Variants in FBXO31 observed in about 807,000 individuals in gnomAD.
FBXO31 encodes the protein F-box only protein 31.
A neutral mutation model predicts 54.4 loss-of-function variants in FBXO31; 24 were observed. The ratio of observed to expected loss-of-function variants is 0.44; its 90% CI spans 0.32 to 0.62. The LOEUF is 0.62. FBXO31 is among the 20% of genes least tolerant of loss of function. The probability of loss-of-function intolerance (pLI) is 0.05; values close to 1 mark genes in which losing one functional copy is unlikely to be tolerated. For missense variants in FBXO31, 665 were observed against 787.1 expected (o/e 0.84, Z 1.86); for synonymous variants, 388 against 335.6 (o/e 1.16, Z -1.71).
upstream of FBXO31, among the ~76,000 whole-genome samples, chr16:87,391,360 G>A (rs1332220995): frequency 6.6e-6 from 1 of 152,234 alleles, no homozygotes; most frequent in Admixed American, 6.5e-5. Flanking sequence ...TTGGCCACAG[G>A]CTGAGGTGGG....
At chr16:87,356,586 G>GA (rs778307723) in intron 2 of FBXO31, among the ~76,000 whole-genome samples, 5 of 152,196 alleles carry the variant, frequency 3.3e-5, no homozygotes, top group Non-Finnish European at 7.3e-5. Flanking sequence ...ACACCACCCT[G>GA]AAGCGTGCTA....
At chr16:87,375,942 A>T (rs903044219) in intron 1 of FBXO31, among the ~76,000 whole-genome samples, 4 of 152,144 alleles carry the variant, frequency 2.6e-5, no homozygotes, top group Admixed American at 6.5e-5. Context: ...CCACTTCCCC[A>T]CATGCAGGGG....
intron 1 of FBXO31, among the ~76,000 whole-genome samples, chr16:87,379,119 C>CTTTTGTTTTG (rs922997396): frequency 5.9e-5 from 9 of 151,990 alleles, no homozygotes; most frequent in Non-Finnish European, 1.3e-4. Flanking sequence ...ATCACATACC[C>CTTTTGTTTTG]TTTTGTTTTG....
At chr16:87,380,008 A>C (rs1267494081) in intron 1 of FBXO31, among the ~76,000 whole-genome samples, 1 of 151,278 alleles carries the variant, frequency 6.6e-6, no homozygotes, top group Non-Finnish European at 1.5e-5. Context: ...AAAAGAAAAA[A>C]AAAAAAAAAG....
Position 87,335,553 on chromosome 16 carries a change from A to C in FBXO31, c.843-96T>G. 56 of 409,492 alleles carry C rather than the reference A, an allele frequency of 1.4e-4. No individual in the cohort carries two copies. The highest frequency in any genetic ancestry group is 2.4e-4 in the Non-Finnish European group (49 of 206,006). The allele number at this position is 409,492 out of a possible 1,614,324, so 25.4% of individuals were successfully genotyped here. ...AGGGATGAGCTTTGCAGGGCGGGGT[A>C]GGGCGGGCAGCTCAGCTCAACCAGG... On this transcript the variant is annotated intron_variant, in intron 6 of 8. Transcript: ENST00000311635. The surrounding 1 kb of genome is among the most constrained non-coding windows in gnomAD (Gnocchi z 5.7).
chr16:87,341,598 G>A (rs990814152), intron 5 of FBXO31, among the ~76,000 whole-genome samples: 13 of 140,832 alleles, frequency 9.2e-5, no homozygotes, highest in African/African-American at 3.5e-4. Context: ...GGAAGTTGCA[G>A]TGAGCCAAGA....
intron 1 of FBXO31, among the ~76,000 whole-genome samples, chr16:87,375,130 C>T (rs909032435): frequency 3.3e-5 from 5 of 152,156 alleles, no homozygotes; most frequent in East Asian, 1.9e-4. Flanking sequence ...CACGGTTAAA[C>T]CCCATCTCTA....
At chr16:87,391,314 C>T (rs563600319), upstream of FBXO31, among the ~76,000 whole-genome samples, 1 of 152,192 alleles carries the variant, frequency 6.6e-6, no homozygotes, top group Non-Finnish European at 1.5e-5. Context: ...CTCAAAAAAA[C>T]CCCAAAGAAT....
chr16:87,353,829 A>T (rs559708054), intron 2 of FBXO31, among the ~76,000 whole-genome samples: 2 of 152,086 alleles, frequency 1.3e-5, no homozygotes, highest in Admixed American at 1.3e-4. Context: ...CTTGTCTTGA[A>T]CCTCTGGCCT....
At chr16:87,383,793 G>A (rs1907201185), upstream of FBXO31, 1 of 1,152,010 alleles carries the variant, frequency 8.7e-7, no homozygotes, top group Non-Finnish European at 1.1e-6. The surrounding 1 kb of genome is among the most constrained non-coding windows in gnomAD (Gnocchi z 4.9). Flanking sequence ...GCTCCAGCGC[G>A]GCCCCGCCCC....
intron 8 of FBXO31, 89 bp downstream of exon 8, chr16:87,333,797 C>T: frequency 6.7e-7 from 1 of 1,502,618 alleles, no homozygotes; most frequent in Non-Finnish European, 8.9e-7. Flanking sequence ...GTCACAGGCC[C>T]TCTCCGCCTG....
intron 7 of FBXO31, 151 bp from the exon 8 acceptor site, chr16:87,334,437 A>G (rs758701116): frequency 8.6e-6 from 6 of 700,250 alleles, no homozygotes; most frequent in Non-Finnish European, 1.4e-5. Flanking sequence ...AAGAAGTCTC[A>G]GAATCCCTTA....
chr16:87,345,378 C>G lies in FBXO31; in HGVS notation c.490-1613G>C, dbSNP rs1049885560. Among the ~76,000 whole-genome samples, 1 of 151,784 alleles carries G rather than the reference C, an allele frequency of 6.6e-6. No homozygotes were observed. The highest frequency in any genetic ancestry group is 2.4e-5 in the African/African-American group (1 of 41,284). ...AGGGGAAGAGGGTGGGAGGGCGGAC[C>G]GGAAGCCATGCAGACTCCATGCAGA... On this transcript the variant is annotated intron_variant, in intron 3 of 8. Coordinates refer to ENST00000311635, the MANE Select transcript of FBXO31 (RefSeq NM_024735.5). The surrounding 1 kb of genome is among the most constrained non-coding windows in gnomAD (Gnocchi z 4.9).
intron 2 of FBXO31, among the ~76,000 whole-genome samples, chr16:87,356,455 G>A (rs969828848): frequency 2.0e-5 from 3 of 151,490 alleles, no homozygotes; most frequent in Admixed American, 6.6e-5. Flanking sequence ...CGTGTTCCCC[G>A]TCCACAGACT....
chr16:87,360,711 C>T (rs1906094501), intron 1 of FBXO31, among the ~76,000 whole-genome samples: 1 of 152,240 alleles, frequency 6.6e-6, no homozygotes, highest in South Asian at 2.1e-4. Flanking sequence ...GACACAGTGC[C>T]ATGTTTCCAT....
At chr16:87,354,851 C>G (rs1458551533) in intron 2 of FBXO31, among the ~76,000 whole-genome samples, 1 of 152,024 alleles carries the variant, frequency 6.6e-6, no homozygotes, top group African/African-American at 2.4e-5. Flanking sequence ...GCCTGTAATC[C>G]CAGCTACTCA....
chr16:87,370,600 T>C (rs1444176106), intron 1 of FBXO31, among the ~76,000 whole-genome samples: 1 of 152,064 alleles, frequency 6.6e-6, no homozygotes, highest in Admixed American at 6.6e-5. Flanking sequence ...GAGGAGGCAG[T>C]GGGGTGACCC....
Position 87,330,998 on chromosome 16 carries a change from T to A in FBXO31, c.*290A>T, listed in dbSNP as rs946323607. ...GCCCAGGGTGCGGGAACCCCACCGC[T>A]TCAATTCTCACGCGGTCCCACGGCT... On this transcript the variant is annotated 3_prime_UTR_variant, in exon 9 of 9. Transcript: ENST00000311635. 2.9e-6 allele frequency: 1 copy of A among 347,852 alleles called. No individual in the cohort carries two copies. Among genetic ancestry groups the A allele is most frequent in the African/African-American group, 2.1e-5 (1 of 47,504 alleles). 21.5% of individuals were successfully genotyped at this position (347,852 alleles called of 1,614,324 possible). A position where few individuals can be genotyped will look rare whatever the true frequency, so the allele number is the denominator to read the frequency against.
intron 1 of FBXO31, among the ~76,000 whole-genome samples, chr16:87,371,190 C>T (rs1308686585): frequency 6.6e-6 from 1 of 152,238 alleles, no homozygotes; most frequent in Non-Finnish European, 1.5e-5. Flanking sequence ...GGGTGCTAAA[C>T]AATGAGGTGA....
Sources: gnomAD v4.1 joint callset for allele counts (sites outside exome capture counted in the v4.1 genomes callset) on GRCh38, gnomAD v4.1.1 for gene constraint, Gnocchi (gnomAD v3.1) non-coding constraint, MANE v1.5 for transcripts, NCBI Gene and HGNC (gene_info 2026-07-23, HGNC 2026-07-21) for gene names.